CFAP58: variants seen among roughly 807,000 people sequenced by gnomAD.
The protein encoded by CFAP58 is cilia- and flagella-associated protein 58.
A neutral mutation model predicts 119.5 loss-of-function variants in CFAP58; 88 were observed. That is an observed-to-expected ratio of 0.74 (90% CI 0.62 to 0.88). The LOEUF (loss-of-function observed/expected upper bound fraction) is 0.88, where lower values mean the gene tolerates loss of function less well. Among genes scored for constraint, CFAP58 ranks in the 40% least tolerant of loss-of-function variants. CFAP58 has a pLI of 0.00. For missense variants in CFAP58, 990 were observed against 1,021.2 expected (o/e 0.97, Z 0.42); for synonymous variants, 365 against 366.3 (o/e 1.00, Z 0.04).
rs376742750 is a variant in CFAP58 at position 104,451,440 on chromosome 10, A to C, written c.2510+1236A>C. On this transcript the variant is annotated intron_variant, in intron 17 of 17. Coordinates refer to ENST00000369704, the MANE Select transcript of CFAP58 (RefSeq NM_001008723.2). The stretch of plus-strand genomic sequence containing the variant: ...CTACCAGCTATCTGTCTGGTTCGGA[A>C]TCACTAGTGAGATTTATTAAACATA... Among the ~76,000 whole-genome samples the C allele has an allele frequency of 8.5e-5, 13 of 152,312 alleles. No individual in the cohort carries two copies. The East Asian group carries it at 2.3e-3, about 27-fold the overall frequency.
chr10:104,346,178 C>A, the CFAP58 span, among the ~76,000 whole-genome samples: 1 of 151,926 alleles, frequency 6.6e-6, no homozygotes, highest in East Asian at 1.9e-4. Flanking sequence ...ACAAACGGAT[C>A]TCATGTGAAC....
At chr10:104,446,195 G>A (rs1479657195) in intron 15 of CFAP58, among the ~76,000 whole-genome samples, 3 of 152,176 alleles carry the variant, frequency 2.0e-5, no homozygotes, top group African/African-American at 7.2e-5. Context: ...TATATTGTAA[G>A]GTGTGACAGG....
intron 17 of CFAP58, 125 bp downstream of exon 17, chr10:104,450,329 A>T: frequency 1.0e-6 from 1 of 980,348 alleles, no homozygotes. Flanking sequence ...TAAACAAATG[A>T]CATTCTACAG....
intron 6 of CFAP58, 115 bp from the exon 7 acceptor site, chr10:104,370,777 GAAC>G (rs1056575907): frequency 4.6e-5 from 42 of 921,054 alleles, no homozygotes; most frequent in Non-Finnish European, 5.7e-5. Context: ...TAATCTCACA[GAAC>G]AACTTTAAAA....
At chr10:104,350,150 G>C (rs113954101), upstream of CFAP58, among the ~76,000 whole-genome samples, 365 of 152,338 alleles carry the variant, frequency 2.4e-3, 3 homozygotes, top group African/African-American at 7.7e-3. Context: ...GGAGAAGATC[G>C]TGTCTTCAAC....
intron 15 of CFAP58, among the ~76,000 whole-genome samples, chr10:104,420,291 A>G (rs1403346054): frequency 1.3e-5 from 2 of 152,224 alleles, no homozygotes; most frequent in African/African-American, 4.8e-5. Context: ...AATAACTTCC[A>G]TAGCATTAGA....
chr10:104,441,529 C>T (rs905067494), intron 15 of CFAP58, among the ~76,000 whole-genome samples: 17 of 152,190 alleles, frequency 1.1e-4, no homozygotes, highest in African/African-American at 1.4e-4. Context: ...TAGAGAATTA[C>T]ATACTTTGTA....
At chr10:104,341,953 A>G in the CFAP58 span, among the ~76,000 whole-genome samples, 1 of 152,224 alleles carries the variant, frequency 6.6e-6, no homozygotes, top group Non-Finnish European at 1.5e-5. Flanking sequence ...CTTCACCCCT[A>G]TTCTTTTTAA....
intron 1 of CFAP58, among the ~76,000 whole-genome samples, chr10:104,357,754 G>C (rs114581929): frequency 2.0e-5 from 3 of 151,238 alleles, no homozygotes; most frequent in Non-Finnish European, 2.9e-5. Flanking sequence ...GTGTATAAAT[G>C]TATAATGTGT....
chr10:104,350,704 C>A (rs1266787859), upstream of CFAP58, among the ~76,000 whole-genome samples: 2 of 152,238 alleles, frequency 1.3e-5, no homozygotes, highest in African/African-American at 2.4e-5. Flanking sequence ...ATGATACCAT[C>A]TTATTGCATT....
intron 15 of CFAP58, among the ~76,000 whole-genome samples, chr10:104,419,388 C>G (rs983842757): frequency 6.6e-6 from 1 of 152,090 alleles, no homozygotes; most frequent in African/African-American, 2.4e-5. Flanking sequence ...TTTCAAAGTG[C>G]TTTTCAGGCA....
At position 104,353,848 on chromosome 10, in the gene CFAP58, T is replaced by A; in HGVS notation, c.-50T>A. On this transcript the variant is annotated 5_prime_UTR_variant, in exon 1 of 18. Coordinates refer to ENST00000369704, the MANE Select transcript of CFAP58 (RefSeq NM_001008723.2). ...CTTCTTTCCCAGACTCCGGCCCAGC[T>A]CCTGCGATCTCCACAGCAGCCTCTG... The A allele has an allele frequency of 6.3e-7, 1 of 1,596,038 alleles. No individual in the cohort carries two copies.
At chr10:104,357,572 T>A (rs1398872049) in intron 1 of CFAP58, among the ~76,000 whole-genome samples, 1 of 152,156 alleles carries the variant, frequency 6.6e-6, no homozygotes, top group Non-Finnish European at 1.5e-5. Flanking sequence ...ATAATCATAA[T>A]AGCTCTGAAA....
At position 104,403,935 on chromosome 10, in the gene CFAP58, A is replaced by G. The variant is rs1242482652; in HGVS notation, c.2151+95A>G. 4 of 663,966 alleles carry G rather than the reference A, an allele frequency of 6.0e-6. No homozygotes were observed. The Middle Eastern group carries it at 7.7e-4, about 128-fold the overall frequency. The allele number at this position is 663,966 out of a possible 1,614,324, so 41.1% of individuals were successfully genotyped here. ...AAAGCACAATGAGAAGCGAGGTTTT[A>G]TTTAATGCTATGCAAATTGTCACCT... On this transcript the variant is annotated intron_variant, in intron 14 of 17. Coordinates refer to ENST00000369704, the MANE Select transcript of CFAP58 (RefSeq NM_001008723.2).
chr10:104,364,572 A>G (rs765407339), intron 3 of CFAP58, among the ~76,000 whole-genome samples, 161 bp from the exon 4 acceptor site: 8 of 152,076 alleles, frequency 5.3e-5, no homozygotes, highest in Non-Finnish European at 7.4e-5. Context: ...ACATTTCACA[A>G]TCTGATCCCA....
chr10:104,376,395 C>G (rs2011662736), intron 7 of CFAP58, among the ~76,000 whole-genome samples: 1 of 150,728 alleles, frequency 6.6e-6, no homozygotes, highest in African/African-American at 2.4e-5. Flanking sequence ...GTCCCAGCTG[C>G]TCGAGAGGTT....
chr10:104,452,036 G>A (rs1048023178), intron 17 of CFAP58, among the ~76,000 whole-genome samples: 8 of 152,058 alleles, frequency 5.3e-5, no homozygotes, highest in African/African-American at 1.9e-4. Context: ...ACTGTGCCCT[G>A]CCAGTAAAAC....
chr10:104,386,559 T>C (rs1045591416), intron 9 of CFAP58, among the ~76,000 whole-genome samples: 1 of 152,188 alleles, frequency 6.6e-6, no homozygotes, highest in Non-Finnish European at 1.5e-5. Flanking sequence ...AATTCCTCTG[T>C]ACTTGGCTCC....
chr10:104,357,191 T>G (rs2014554193), intron 1 of CFAP58, among the ~76,000 whole-genome samples: 2 of 152,186 alleles, frequency 1.3e-5, no homozygotes, highest in Admixed American at 1.3e-4. Flanking sequence ...CACTCTTAGG[T>G]TCTCATCTAA....
Sources: gnomAD v4.1 joint callset for allele counts (sites outside exome capture counted in the v4.1 genomes callset) on GRCh38, gnomAD v4.1.1 for gene constraint, MANE v1.5 for transcripts, NCBI Gene and HGNC (gene_info 2026-07-23, HGNC 2026-07-21) for gene names.